Variants in TDRD12 observed in about 807,000 individuals in gnomAD.
TDRD12 encodes tudor domain containing 12.
A neutral mutation model predicts 133.5 loss-of-function variants in TDRD12; 158 were observed. The observed-to-expected ratio is 1.18, with a 90% CI of 1.04 to 1.35. The LOEUF (loss-of-function observed/expected upper bound fraction) is 1.35. Among genes scored for constraint, TDRD12 ranks in the 40% most tolerant of loss-of-function variants. TDRD12 has a pLI of 0.00. For synonymous variants in TDRD12, 460 were observed against 477.9 expected, an observed-to-expected ratio of 0.96 and a Z score of 0.49; for missense variants, 1,443 against 1,321.3, an observed-to-expected ratio of 1.09 and a Z score of -1.43.
chr19:32,753,644 C>T (rs1311373082), intron 6 of TDRD12, among the ~76,000 whole-genome samples: 1 of 151,568 alleles, frequency 6.6e-6, no homozygotes, highest in Non-Finnish European at 1.5e-5. Context: ...GCTGGGACTA[C>T]AGGTGCCCGC....
At chr19:32,739,661 C>T (rs1260222404) in intron 3 of TDRD12, among the ~76,000 whole-genome samples, 4 of 129,924 alleles carry the variant, frequency 3.1e-5, no homozygotes, top group Non-Finnish European at 4.8e-5. Flanking sequence ...GGTGCTCTCT[C>T]TGCATCTCCT....
chr19:32,805,698 T>G (rs1210440726), intron 21 of TDRD12, among the ~76,000 whole-genome samples: 8 of 151,866 alleles, frequency 5.3e-5, no homozygotes, highest in Non-Finnish European at 1.5e-5. Context: ...TTAAATCCAT[T>G]GCATCTCCAC....
chr19:32,738,871 T>C (rs1969304477), exon 3 of TDRD12: 4 of 1,551,108 alleles, frequency 2.6e-6, no homozygotes, highest in Non-Finnish European at 8.7e-7. Context: ...TGTGGTCTAT[T>C]GTGAGGAGCT....
chr19:32,776,963 AC>A (rs1970601225), intron 10 of TDRD12, among the ~76,000 whole-genome samples, 185 bp from the exon 11 acceptor site: 1 of 152,038 alleles, frequency 6.6e-6, no homozygotes, highest in Non-Finnish European at 1.5e-5. Flanking sequence ...ATCACAGCTC[AC>A]TGCAGTGTCC....
At chr19:32,785,954 G>T (rs1486752949) in intron 11 of TDRD12, among the ~76,000 whole-genome samples, 1 of 152,144 alleles carries the variant, frequency 6.6e-6, no homozygotes, top group Non-Finnish European at 1.5e-5. Flanking sequence ...TTGTATGTGT[G>T]AATTTGATCC....
chr19:32,802,597 G>A (rs912318978), intron 19 of TDRD12, 59 bp from the exon 20 acceptor site: 35 of 1,509,890 alleles, frequency 2.3e-5, no homozygotes, highest in South Asian at 7.3e-5. Flanking sequence ...GGGAACTGCC[G>A]GTTAAAGTAA....
rs1056984381 is a variant in TDRD12 at position 32,787,805 on chromosome 19, A to G, written c.1122-2726A>G. Among the ~76,000 whole-genome samples the G allele has an allele frequency of 3.9e-5, 6 of 152,312 alleles. No individual in the cohort carries two copies. The East Asian group carries it at 9.7e-4, about 25-fold the overall frequency. ...TTGTGAAGACTGGGAAAAGCGCAGTATTTGGGCAGGAGTATACTGCTCCTC... is the reference window on the plus strand; with the variant it reads ...TTGTGAAGACTGGGAAAAGCGCAGTGTTTGGGCAGGAGTATACTGCTCCTC... On this transcript the variant is annotated intron_variant, in intron 11 of 27. Transcript: ENST00000444215.
intron 21 of TDRD12, among the ~76,000 whole-genome samples, chr19:32,803,692 G>A (rs189150059): frequency 1.1e-3 from 174 of 152,250 alleles, no homozygotes; most frequent in Admixed American, 3.1e-3. Context: ...GCCATTTTCC[G>A]GTCTGGTCAG....
At chr19:32,762,602 T>C (rs981690221) in intron 8 of TDRD12, among the ~76,000 whole-genome samples, 2 of 152,122 alleles carry the variant, frequency 1.3e-5, no homozygotes, top group African/African-American at 4.8e-5. Context: ...CAGGTAAAAC[T>C]GGTGTTGGGA....
Position 32,800,375 on chromosome 19 carries a change from GTGTATGTGTA to G in TDRD12, c.1950+21_1950+30del. ...GTCCAACAGGTAACTTTGTGTGTATGTGTATGTGTATGTGTGTGTGTGTGTGTATGTGTTG... is the reference window on the plus strand; with the variant it reads ...GTCCAACAGGTAACTTTGTGTGTATGTGTGTGTGTGTGTGTGTATGTGTTG... On this transcript the variant is annotated intron_variant, in intron 17 of 27. Transcript: ENST00000444215. 6.8e-7 allele frequency: 1 copy of G among 1,469,322 alleles called. No individual in the cohort carries two copies. The highest frequency in any genetic ancestry group is 1.8e-4 in the Middle Eastern group (1 of 5,700). 91.0% of individuals were successfully genotyped at this position (1,469,322 alleles called of 1,614,324 possible).
At chr19:32,759,189 T>C (rs1332371097) in intron 8 of TDRD12, among the ~76,000 whole-genome samples, 1 of 151,940 alleles carries the variant, frequency 6.6e-6, no homozygotes, top group East Asian at 1.9e-4. Context: ...AAAGGAGGAG[T>C]GAACCCTGTA....
chr19:32,791,006 C>T (rs111270027), exon 13 of TDRD12: 116 of 1,535,966 alleles, frequency 7.6e-5, no homozygotes, highest in East Asian at 4.9e-4. Context: ...GGTAGTGCTC[C>T]GGAACAAGAT....
intron 16 of TDRD12, among the ~76,000 whole-genome samples, chr19:32,799,771 G>A (rs1478117894): frequency 2.7e-5 from 3 of 112,754 alleles, no homozygotes; most frequent in Admixed American, 2.6e-4. Flanking sequence ...TCCCACCCTC[G>A]TCGCCCAGGC....
intron 8 of TDRD12, among the ~76,000 whole-genome samples, chr19:32,758,914 A>G (rs1394940890): frequency 6.6e-6 from 1 of 152,036 alleles, no homozygotes; most frequent in Non-Finnish European, 1.5e-5. Context: ...AGCCTGGATG[A>G]CAGAGTGAGA....
chr19:32,745,651 T>G (rs1463505984), intron 4 of TDRD12, among the ~76,000 whole-genome samples: 1 of 141,018 alleles, frequency 7.1e-6, no homozygotes, highest in Non-Finnish European at 1.5e-5. Context: ...GAATGGCTGA[T>G]GTGGTTATTC....
intron 13 of TDRD12, among the ~76,000 whole-genome samples, chr19:32,793,977 A>G (rs1971145412): frequency 8.1e-6 from 1 of 122,878 alleles, no homozygotes; most frequent in African/African-American, 3.3e-5. Context: ...TATTTTTAGT[A>G]GAGACGGGGT....
At chr19:32,821,280 C>A, downstream of TDRD12, 1 of 750,566 alleles carries the variant, frequency 1.3e-6, no homozygotes, top group Non-Finnish European at 2.1e-6. Flanking sequence ...TTATTTTTGA[C>A]AGGTCAGCCC....
intron 4 of TDRD12, among the ~76,000 whole-genome samples, chr19:32,746,092 G>C (rs1454085709): frequency 1.3e-5 from 2 of 150,804 alleles, no homozygotes; most frequent in East Asian, 1.9e-4. Context: ...GTGTGACAGA[G>C]GGGGAGAGAG....
intron 24 of TDRD12, among the ~76,000 whole-genome samples, 172 bp from the exon 25 acceptor site, chr19:32,813,512 A>G (rs1967076018): frequency 6.6e-6 from 1 of 152,146 alleles, no homozygotes; most frequent in South Asian, 2.1e-4. Flanking sequence ...CTGCCTCACT[A>G]AACTCTGCTG....
Sources: gnomAD v4.1 joint callset for allele counts (sites outside exome capture counted in the v4.1 genomes callset) on GRCh38, gnomAD v4.1.1 for gene constraint, MANE v1.5 for transcripts, NCBI Gene and HGNC (gene_info 2026-07-23, HGNC 2026-07-21) for gene names.